DLC1: variants seen among roughly 807,000 people sequenced by gnomAD.
DLC1 encodes rho GTPase-activating protein 7.
DLC1 carries 54 observed loss-of-function variants against 140.3 expected under a neutral mutation model. That is an observed-to-expected ratio of 0.38 (90% CI 0.31 to 0.48). The LOEUF is 0.48. Ranked by LOEUF, DLC1 falls within the 20% of genes least tolerant of loss-of-function variation. The pLI, the probability that DLC1 is intolerant of heterozygous loss-of-function variation, is 0.96. For synonymous variants in DLC1, 986 were observed against 728.1 expected, an observed-to-expected ratio of 1.35 and a Z score of -5.70; for missense variants, 2,536 against 1,907.0, an observed-to-expected ratio of 1.33 and a Z score of -6.14.
intron 4 of DLC1, among the ~76,000 whole-genome samples, chr8:13,383,020 G>A (rs1836344776): frequency 6.6e-6 from 1 of 152,180 alleles, no homozygotes; most frequent in Non-Finnish European, 1.5e-5. Flanking sequence ...TGGCTCAAAA[G>A]TTCAGAGATA....
chr8:13,492,651 G>C (rs4831236), intron 2 of DLC1, among the ~76,000 whole-genome samples: 139,658 of 152,060 alleles, frequency 0.92, 64,677 homozygotes, highest in Non-Finnish European at 0.97. Flanking sequence ...ATGGAATAAA[G>C]TCTGCTAACT....
chr8:13,462,399 T>TC (rs1023422095), intron 2 of DLC1, among the ~76,000 whole-genome samples: 15 of 148,344 alleles, frequency 1.0e-4, no homozygotes, highest in South Asian at 4.3e-4. Flanking sequence ...TACTATTCTT[T>TC]TTTTTTTTTT....
intron 4 of DLC1, among the ~76,000 whole-genome samples, chr8:13,377,312 A>G (rs2117143323): frequency 6.6e-6 from 1 of 152,344 alleles, no homozygotes. Flanking sequence ...TATGTATATA[A>G]AAACTAGCCC....
At position 13,446,745 on chromosome 8, in the gene DLC1, A is replaced by C. The variant is rs961042470; in HGVS notation, c.1024-45126T>G. 2.0e-5 allele frequency among the ~76,000 whole-genome samples: 3 copies of C among 152,158 alleles called. No individual in the cohort carries two copies. The South Asian group carries it at 6.2e-4, about 32-fold the overall frequency. ...CACCTGAGGTCAGGAGTTCGAGACC[A>C]GCCTGGCCAACATGGTGAAACCCTG... On this transcript the variant is annotated intron_variant, in intron 2 of 17. Coordinates refer to ENST00000276297, the MANE Select transcript of DLC1 (RefSeq NM_182643.3).
intron 4 of DLC1, among the ~76,000 whole-genome samples, chr8:13,348,551 T>C (rs1398888578): frequency 6.6e-5 from 10 of 152,170 alleles, no homozygotes; most frequent in Admixed American, 4.6e-4. Context: ...ATAAGAAAGA[T>C]GATGAACACT....
intron 4 of DLC1, among the ~76,000 whole-genome samples, chr8:13,376,055 G>GA (rs1489806507): frequency 1.3e-5 from 2 of 152,030 alleles, no homozygotes; most frequent in Non-Finnish European, 2.9e-5. Context: ...ACTTTTCCAA[G>GA]AAAAAGCACC....
intron 2 of DLC1, among the ~76,000 whole-genome samples, chr8:13,441,232 A>C (rs1356675298): frequency 6.6e-6 from 1 of 152,244 alleles, no homozygotes; most frequent in Non-Finnish European, 1.5e-5. Flanking sequence ...GCTATCTATG[A>C]CAAACCCACA....
At chr8:13,294,695 A>AG (rs1341360912) in intron 5 of DLC1, among the ~76,000 whole-genome samples, 1 of 152,154 alleles carries the variant, frequency 6.6e-6, no homozygotes, top group African/African-American at 2.4e-5. Context: ...GATTACGGAA[A>AG]AAATTTATTC....
At chr8:13,381,484 A>G (rs1044913677) in intron 4 of DLC1, among the ~76,000 whole-genome samples, 2 of 152,188 alleles carry the variant, frequency 1.3e-5, no homozygotes, top group Non-Finnish European at 2.9e-5. Flanking sequence ...GACCAGTAGA[A>G]TACAAGAGAC....
intron 4 of DLC1, among the ~76,000 whole-genome samples, chr8:13,337,270 C>G (rs1296472956): frequency 1.3e-5 from 2 of 152,080 alleles, no homozygotes; most frequent in African/African-American, 4.8e-5. Context: ...AGTGTGTTTT[C>G]TGAGTTAGTA....
intron 5 of DLC1, among the ~76,000 whole-genome samples, chr8:13,225,370 G>A (rs1254752802): frequency 6.6e-6 from 1 of 152,076 alleles, no homozygotes; most frequent in Non-Finnish European, 1.5e-5. Flanking sequence ...TTCAGGAGTG[G>A]ATGTGAACAA....
chr8:13,090,110 A>T (rs924144344), intron 15 of DLC1, 142 bp downstream of exon 15: 9 of 706,380 alleles, frequency 1.3e-5, no homozygotes, highest in African/African-American at 1.8e-5. Context: ...CGGGGATCTT[A>T]CTCACCCCGG....
rs569319531 is a variant in DLC1, at chr8:13,532,521, T to G, written c.-125-32325A>C. ...ACTGAGGCTGAATGCTTAACTCACTTGTCAGAGTCCCCACATGGGAAAGTG... is the reference window on the plus strand; with the variant it reads ...ACTGAGGCTGAATGCTTAACTCACTGGTCAGAGTCCCCACATGGGAAAGTG... On this transcript the variant is annotated intron_variant, in intron 1 of 1. Coordinates refer to the DLC1 transcript ENST00000631382. Among the ~76,000 whole-genome samples, 8 of 152,336 alleles carry G rather than the reference T, an allele frequency of 5.3e-5. No homozygotes were observed. In the South Asian group the frequency reaches 1.2e-3, roughly 24 times the overall value.
chr8:13,239,589 A>G (rs1436310508), intron 5 of DLC1, among the ~76,000 whole-genome samples: 1 of 152,154 alleles, frequency 6.6e-6, no homozygotes, highest in African/African-American at 2.4e-5. Flanking sequence ...GGCCAATATT[A>G]TACCATGCTC....
At chr8:13,460,892 G>A (rs1799624720) in intron 2 of DLC1, among the ~76,000 whole-genome samples, 2 of 152,202 alleles carry the variant, frequency 1.3e-5, no homozygotes, top group African/African-American at 2.4e-5. Context: ...ACAGTGTGAG[G>A]GGAAAAACAG....
chr8:13,221,337 A>T (rs1043149506), intron 5 of DLC1, among the ~76,000 whole-genome samples: 11 of 151,570 alleles, frequency 7.3e-5, no homozygotes, highest in Admixed American at 3.3e-4. Flanking sequence ...ATTTTACTCA[A>T]CAGGAAAAAT....
At chr8:13,123,846 C>T (rs753208300) in intron 5 of DLC1, among the ~76,000 whole-genome samples, 1 of 152,138 alleles carries the variant, frequency 6.6e-6, no homozygotes, top group Non-Finnish European at 1.5e-5. Flanking sequence ...ACCACTCATA[C>T]AATTTTTGTT....
intron 6 of DLC1, among the ~76,000 whole-genome samples, chr8:13,111,570 C>T (rs901413913): frequency 3.3e-5 from 5 of 152,312 alleles, no homozygotes; most frequent in African/African-American, 1.2e-4. Flanking sequence ...ATTCCTTTCT[C>T]TGGACTACAT....
intron 2 of DLC1, among the ~76,000 whole-genome samples, chr8:13,475,156 T>G (rs1247440385): frequency 6.6e-6 from 1 of 152,160 alleles, no homozygotes; most frequent in Non-Finnish European, 1.5e-5. Flanking sequence ...CAGATCATAA[T>G]TTCAGTTTAA....
Sources: gnomAD v4.1 joint callset for allele counts (sites outside exome capture counted in the v4.1 genomes callset) on GRCh38, gnomAD v4.1.1 for gene constraint, MANE v1.5 for transcripts, NCBI Gene and HGNC (gene_info 2026-07-23, HGNC 2026-07-21) for gene names.